The following SGMS1 variants were observed in gnomAD, a reference collection of about 807,000 sequenced individuals.
SGMS1 encodes sphingomyelin synthase 1, also known as phosphatidylcholine:ceramide cholinephosphotransferase 1.
SGMS1 carries 13 observed loss-of-function variants against 46.2 expected under a neutral mutation model. The ratio of observed to expected loss-of-function variants is 0.28; its 90% confidence interval spans 0.18 to 0.45. The LOEUF is 0.45. Among genes scored for constraint, SGMS1 ranks in the 20% least tolerant of loss-of-function variants. The pLI, the probability that SGMS1 is intolerant of heterozygous loss-of-function variation, is 1.00. For synonymous variants in SGMS1, 203 were observed against 187.8 expected (o/e 1.08, Z -0.66); for missense variants, 324 against 519.9 (o/e 0.62, Z 3.66).
chr10:50,517,314 G>A (rs1837815016), intron 3 of SGMS1, among the ~76,000 whole-genome samples: 1 of 152,002 alleles, frequency 6.6e-6, no homozygotes, highest in South Asian at 2.1e-4. Flanking sequence ...AAATGAGCAA[G>A]CAAAATGAAA....
At chr10:50,516,283 C>T (rs1371225105) in intron 3 of SGMS1, among the ~76,000 whole-genome samples, 2 of 152,140 alleles carry the variant, frequency 1.3e-5, no homozygotes, top group Non-Finnish European at 2.9e-5. Flanking sequence ...GCTTTCTATG[C>T]CTATTAAGGG....
intron 3 of SGMS1, among the ~76,000 whole-genome samples, chr10:50,482,323 T>C (rs1051209359): frequency 1.3e-5 from 2 of 152,096 alleles, no homozygotes; most frequent in African/African-American, 4.8e-5. Context: ...AGCAGAACTC[T>C]CAGTGGAAAC....
At chr10:50,436,527 T>G (rs182068271) in intron 5 of SGMS1, among the ~76,000 whole-genome samples, 1 of 152,318 alleles carries the variant, frequency 6.6e-6, no homozygotes, top group Non-Finnish European at 1.5e-5. Context: ...TTAGTTCAGC[T>G]GATGCACTTA....
intron 6 of SGMS1, among the ~76,000 whole-genome samples, chr10:50,353,233 C>T (rs1343945862): frequency 6.6e-6 from 1 of 151,276 alleles, no homozygotes; most frequent in Non-Finnish European, 1.5e-5. Flanking sequence ...CAAAAAGCTT[C>T]TCCACCATGA....
chr10:50,621,586 A>G (rs552341329), intron 1 of SGMS1, among the ~76,000 whole-genome samples: 6 of 152,340 alleles, frequency 3.9e-5, no homozygotes, highest in Non-Finnish European at 8.8e-5. Context: ...ACTGTGCAAG[A>G]TGCTAGAAAT....
Position 50,392,180 on chromosome 10 carries a change from A to C in SGMS1, c.-232+41296T>G, listed in dbSNP as rs529281503. Reference sequence around the variant, plus strand: ...AACCTGCACATGTACTCTGAACCTAAAGTAAAAGTTAAAAAAAAAAAAACT... The same window carrying C: ...AACCTGCACATGTACTCTGAACCTACAGTAAAAGTTAAAAAAAAAAAAACT... On this transcript the variant is annotated intron_variant, in intron 6 of 10. Transcript: ENST00000361781. Among the ~76,000 whole-genome samples, 6 of 105,758 alleles carry C rather than the reference A, an allele frequency of 5.7e-5. 1 individual carries two copies. The South Asian group carries it at 2.1e-3, about 37-fold the overall frequency. The allele number at this position is 105,758 out of a possible 152,430, so 69.4% of individuals were successfully genotyped here. A position where few individuals can be genotyped will look rare whatever the true frequency, so the allele number is the denominator to read the frequency against.
At chr10:50,612,479 G>A (rs918496667) in intron 1 of SGMS1, among the ~76,000 whole-genome samples, 2 of 152,176 alleles carry the variant, frequency 1.3e-5, no homozygotes, top group African/African-American at 4.8e-5. Context: ...CTGGCGAAAA[G>A]GAGGAGTGGA....
intron 3 of SGMS1, among the ~76,000 whole-genome samples, chr10:50,472,240 T>C (rs914514779): frequency 2.6e-5 from 4 of 152,196 alleles, no homozygotes; most frequent in Admixed American, 6.5e-5. Flanking sequence ...CCTATTCTTA[T>C]AGCAATTTTG....
At chr10:50,609,591 ACTTT>A (rs1427540887) in intron 1 of SGMS1, among the ~76,000 whole-genome samples, 3 of 150,194 alleles carry the variant, frequency 2.0e-5, no homozygotes, top group African/African-American at 7.4e-5. Context: ...TTTCAGAACA[ACTTT>A]CTTTATGACT....
chr10:50,537,037 G>A (rs953512846), intron 2 of SGMS1, among the ~76,000 whole-genome samples: 1 of 152,106 alleles, frequency 6.6e-6, no homozygotes, highest in Non-Finnish European at 1.5e-5. Flanking sequence ...TGGTCCCCAG[G>A]CCTTCCAGGG....
Position 50,593,985 on chromosome 10 carries a change from G to A in SGMS1, c.-683-3738C>T, listed in dbSNP as rs184804088. Among the ~76,000 whole-genome samples, 6 of 152,264 alleles carry A rather than the reference G, an allele frequency of 3.9e-5. No homozygotes were observed. In the East Asian group the frequency reaches 9.7e-4, roughly 24 times the overall value. On this transcript the variant is annotated intron_variant, in intron 1 of 10. Coordinates refer to ENST00000361781, the MANE Select transcript of SGMS1 (RefSeq NM_147156.4). The stretch of plus-strand genomic sequence containing the variant: ...GGTATATACCTAGGAGAGGAGAGCT[G>A]GACTACGGATTGCACGTGTTCAACT...
At chr10:50,328,042 T>C in intron 7 of SGMS1, 1 of 378,278 alleles carries the variant, frequency 2.6e-6, no homozygotes, top group Non-Finnish European at 5.0e-6. Flanking sequence ...TGAATAAAAA[T>C]ATAAGCAAAA....
chr10:50,515,761 G>A (rs893429817), intron 3 of SGMS1, among the ~76,000 whole-genome samples: 21 of 152,134 alleles, frequency 1.4e-4, no homozygotes, highest in African/African-American at 4.1e-4. Context: ...AGCAGTGACT[G>A]AACTGACCGC....
At chr10:50,478,634 A>G (rs927706616) in intron 3 of SGMS1, among the ~76,000 whole-genome samples, 1 of 152,234 alleles carries the variant, frequency 6.6e-6, no homozygotes, top group Non-Finnish European at 1.5e-5. Flanking sequence ...GTTTTTTAAT[A>G]TAAGTAACCT....
intron 5 of SGMS1, among the ~76,000 whole-genome samples, chr10:50,454,483 GA>G (rs1209824823): frequency 6.6e-6 from 1 of 151,960 alleles, no homozygotes; most frequent in African/African-American, 2.4e-5. Flanking sequence ...ATATAAAGGG[GA>G]AAAAATGGGG....
At chr10:50,384,514 T>C (rs1241070274) in intron 6 of SGMS1, among the ~76,000 whole-genome samples, 1 of 151,718 alleles carries the variant, frequency 6.6e-6, no homozygotes, top group Admixed American at 6.6e-5. Flanking sequence ...TTCTCTTTTC[T>C]TTTCTCTGAA....
rs140296470 is a variant in SGMS1 at position 50,506,328 on chromosome 10, G to A, written c.-498+13503C>T. 3.5e-3 allele frequency among the ~76,000 whole-genome samples: 535 copies of A among 152,176 alleles called. 2 individuals carry two copies. The highest frequency in any genetic ancestry group is 0.012 in the African/African-American group (509 of 41,518). On this transcript the variant is annotated intron_variant, in intron 3 of 10. Coordinates refer to ENST00000361781, the MANE Select transcript of SGMS1 (RefSeq NM_147156.4). ...GATTGTACTCATTTTTGCATCTCTA[G>A]TGCCTGAAAAATAGCCGAGTTCAAT...
At chr10:50,589,538 C>T (rs147809106) in intron 2 of SGMS1, among the ~76,000 whole-genome samples, 94 of 152,116 alleles carry the variant, frequency 6.2e-4, no homozygotes, top group African/African-American at 2.2e-3. Context: ...AGCTCCATCA[C>T]GGCTCACTAC....
At chr10:50,549,957 A>G (rs1034899400) in intron 2 of SGMS1, among the ~76,000 whole-genome samples, 7 of 152,250 alleles carry the variant, frequency 4.6e-5, no homozygotes, top group Non-Finnish European at 1.0e-4. Flanking sequence ...TAAAAGCTAC[A>G]TAAACCACCA....
Sources: allele counts gnomAD v4.1 joint callset (sites outside exome capture counted in the v4.1 genomes callset), GRCh38; gene constraint gnomAD v4.1.1; transcripts MANE v1.5; gene names NCBI Gene and HGNC (gene_info 2026-07-23, HGNC 2026-07-21).